The following SHOX variants were observed in gnomAD, a reference collection of about 807,000 sequenced individuals.
SHOX encodes the protein SHOX homeobox, also known as short stature homeobox protein.
Under a neutral mutation model 29.6 loss-of-function variants are expected in SHOX, and 12 were observed. That is an observed-to-expected ratio of 0.41 (90% CI 0.26 to 0.66). The LOEUF is 0.66. Among genes scored for constraint, SHOX ranks in the 30% least tolerant of loss-of-function variants. The pLI is 0.35. For missense variants in SHOX, 499 were observed against 437.7 expected (o/e 1.14, Z -1.25); for synonymous variants, 214 against 200.6 (o/e 1.07, Z -0.57).
chrX:634,539 C>A (rs1394955463), intron 1 of SHOX, 79 bp from the exon 2 acceptor site: 7 of 1,490,934 alleles, frequency 4.7e-6, no homozygotes, highest in Admixed American at 1.8e-5. Flanking sequence ...CCCTTTCCAC[C>A]GCGGGATGCA....
chrX:646,098 G>C lies in SHOX; in HGVS notation c.*1462G>C, dbSNP rs1048828918. ...TTTATAGTAGAGACGGGGTTTCACCGTGTTGGCCAGGCTCGTCTCGAACTC... is the reference window on the plus strand; with the variant it reads ...TTTATAGTAGAGACGGGGTTTCACCCTGTTGGCCAGGCTCGTCTCGAACTC... On this transcript the variant is annotated 3_prime_UTR_variant, in exon 5 of 5. Coordinates refer to ENST00000686671, the MANE Select transcript of SHOX (RefSeq NM_000451.4). 1.3e-5 allele frequency: 2 copies of C among 151,872 alleles called. No individual in the cohort carries two copies. Among genetic ancestry groups the C allele is most frequent in the African/African-American group, 2.4e-5 (1 of 41,316 alleles). The allele number at this position is 151,872 out of a possible 1,614,324, so 9.4% of individuals were successfully genotyped here.
intron 4 of SHOX, among the ~76,000 whole-genome samples, chrX:642,233 G>A (rs1273923830): frequency 6.6e-6 from 1 of 152,104 alleles, no homozygotes; most frequent in African/African-American, 2.4e-5. Context: ...GCGCCCGGCT[G>A]CGGTGCCCCT....
downstream of SHOX, among the ~76,000 whole-genome samples, chrX:653,268 C>A (rs1303201799): frequency 3.9e-5 from 6 of 152,014 alleles, no homozygotes; most frequent in Admixed American, 3.3e-4. Context: ...AATAAAATAA[C>A]AGGAACTAAA....
chrX:641,014 C>T lies in SHOX; in HGVS notation c.560C>T (p.Thr187Ile). Reference sequence around the variant, plus strand: ...TTGGACACAGGCGTCATCTTGGGCACAGCCAACCACCTAGACGCCTGCCGA... The same window carrying T: ...TTGGACACAGGCGTCATCTTGGGCATAGCCAACCACCTAGACGCCTGCCGA... ...NQMHKGVILG[T>I]ANHLDACRVA... The change falls in exon 4 of 5, where the codon ACA (threonine) becomes ATA (isoleucine). Residue 187 changes from threonine (T) to isoleucine (I), a missense_variant. Thr to Ile is a moderately conservative substitution (Grantham distance 89, BLOSUM62 -1). Coordinates refer to ENST00000686671, the MANE Select transcript of SHOX (RefSeq NM_000451.4). 1 of 1,613,864 alleles carries T rather than the reference C, an allele frequency of 6.2e-7. No homozygotes were observed. Among genetic ancestry groups the T allele is most frequent in the East Asian group, 2.2e-5 (1 of 44,866 alleles).
intron 1 of SHOX, among the ~76,000 whole-genome samples, chrX:625,215 C>A (rs973966153): frequency 1.4e-5 from 2 of 143,460 alleles, no homozygotes; most frequent in Non-Finnish European, 1.5e-5. Context: ...TCCTCCTCCT[C>A]CTCCTCCTTC....
rs756950632 is a variant in SHOX at position 648,289 on chromosome X, C to G, written c.*3653C>G. On this transcript the variant is annotated 3_prime_UTR_variant, in exon 5 of 5. Transcript: ENST00000686671. ...TCCTGAGTAGCTGGGATTACAGGCACCTGCCACCAGGCCTGGGTAACTTTC... is the reference window on the plus strand; with the variant it reads ...TCCTGAGTAGCTGGGATTACAGGCAGCTGCCACCAGGCCTGGGTAACTTTC... Among the ~76,000 whole-genome samples, 60 of 147,898 alleles carry G rather than the reference C, an allele frequency of 4.1e-4. 2 individuals are homozygous for G. In the South Asian group the frequency reaches 8.3e-3, roughly 20 times the overall value.
In SHOX at chrX:630,836, C is replaced by G; in HGVS notation, c.-62C>G. ...TCCACCCGCGCGCACGGGCCGTCCTCTCCGCGCGGGGAGACGCGCGCATCC... is the reference window on the plus strand; with the variant it reads ...TCCACCCGCGCGCACGGGCCGTCCTGTCCGCGCGGGGAGACGCGCGCATCC... On this transcript the variant is annotated 5_prime_UTR_variant, in exon 1 of 5. Transcript: ENST00000686671. 1 of 1,601,368 alleles carries G rather than the reference C, an allele frequency of 6.2e-7. No homozygotes were observed.
chrX:636,119 T>C (rs2052741944), intron 2 of SHOX, among the ~76,000 whole-genome samples: 1 of 151,074 alleles, frequency 6.6e-6, no homozygotes. Context: ...ACATCTTTCA[T>C]TATATGTGTG....
At chrX:656,433 G>A (rs2053147177), downstream of SHOX, among the ~76,000 whole-genome samples, 1 of 151,358 alleles carries the variant, frequency 6.6e-6, no homozygotes, top group African/African-American at 2.4e-5. Flanking sequence ...AATTTAGCCA[G>A]CTGTGCTGGC....
At chrX:627,650 G>A (rs772532446), upstream of SHOX, among the ~76,000 whole-genome samples, 167 of 149,368 alleles carry the variant, frequency 1.1e-3, 1 homozygote, top group Non-Finnish European at 2.0e-3. Context: ...TTTTCTCCGA[G>A]GCCGAGGGGC....
Position 630,825 on chromosome X carries a change from C to G in SHOX, c.-73C>G. On this transcript the variant is annotated 5_prime_UTR_variant, in exon 1 of 5. Transcript: ENST00000686671. ...AGCGCTGGTGATCCACCCGCGCGCA[C>G]GGGCCGTCCTCTCCGCGCGGGGAGA... 6.3e-7 allele frequency: 1 copy of G among 1,579,206 alleles called. No individual in the cohort carries two copies. Among genetic ancestry groups the G allele is most frequent in the East Asian group, 2.2e-5 (1 of 44,556 alleles).
downstream of SHOX, among the ~76,000 whole-genome samples, chrX:652,637 G>C (rs1248263904): frequency 6.6e-6 from 1 of 152,150 alleles, no homozygotes; most frequent in African/African-American, 2.4e-5. Flanking sequence ...CGTTCTTCCT[G>C]CTGACTCCTG....
chrX:629,336 T>G, upstream of SHOX, among the ~76,000 whole-genome samples: 1 of 150,408 alleles, frequency 6.6e-6, no homozygotes, highest in Non-Finnish European at 1.5e-5. Context: ...TGTCTCTCCT[T>G]GACTCTCTTT....
In SHOX at chrX:631,021, G is replaced by C. The variant is rs1443811290; in HGVS notation, c.124G>C (p.Gly42Arg). Residue 42 changes from glycine (G) to arginine (R), a missense_variant, in exon 1 of 5, where the codon GGA becomes CGA. By Grantham distance (125) the Gly-to-Arg change is moderately radical (BLOSUM62 -2). Coordinates refer to ENST00000686671, the MANE Select transcript of SHOX (RefSeq NM_000451.4). The stretch of plus-strand genomic sequence containing the variant: ...TACGTACCGGGAAGTTTTGGAGAGC[G>C]GACTGGCGCGCTCCCGGGAGCTGGG... Reference protein sequence around the residue: ...SITYREVLESGLARSRELGTS... With the variant: ...SITYREVLESRLARSRELGTS... 3 of 1,613,760 alleles carry C rather than the reference G, an allele frequency of 1.9e-6. No individual in the cohort carries two copies. The highest frequency in any genetic ancestry group is 2.5e-6 in the Non-Finnish European group (3 of 1,179,874).
intron 1 of SHOX, among the ~76,000 whole-genome samples, chrX:624,990 C>G (rs971044831): frequency 5.4e-5 from 8 of 147,456 alleles, no homozygotes; most frequent in African/African-American, 1.5e-4. Flanking sequence ...TTCCAGAAAG[C>G]TTTTTCCTTC....
rs778160013 is a variant in SHOX at position 658,827 on chromosome X, T to C, written c.676T>C (p.Ter226ArgextTer22). ...TCGCCCGGGCTGGAGTATAATGGCA[T>C]GATCTCGACTCACTGCAACCTCCGC... is the stretch of plus-strand genomic sequence containing the variant. The change falls in exon 6 of 6, where the codon TGA becomes CGA. Residue 226 changes from the stop codon to arginine (R), a stop_lost. Transcript: ENST00000334060. The C allele has an allele frequency of 2.3e-3, 927 of 402,710 alleles. 3 individuals carry two copies. Among genetic ancestry groups the C allele is most frequent in the South Asian group, 2.9e-3 (159 of 54,974 alleles). The allele number at this position is 402,710 out of a possible 1,614,324, so 24.9% of individuals were successfully genotyped here. A position where few individuals can be genotyped will look rare whatever the true frequency, so the allele number is the denominator to read the frequency against.
In SHOX at chrX:625,715, G is replaced by GTCTCTC. The variant is rs753102414; in HGVS notation, c.-433+1120_-433+1125dup. Among the ~76,000 whole-genome samples, 19 of 122,058 alleles carry GTCTCTC rather than the reference G, an allele frequency of 1.6e-4. 1 individual carries two copies. The highest frequency in any genetic ancestry group is 2.5e-4 in the East Asian group (1 of 4,064). 80.1% of individuals were successfully genotyped at this position (122,058 alleles called of 152,430 possible). A position where few individuals can be genotyped will look rare whatever the true frequency, so the allele number is the denominator to read the frequency against. On this transcript the variant is annotated intron_variant, in intron 1 of 5. Coordinates refer to the SHOX transcript ENST00000334060. ...TTCCTCTGTCTCTCTTTCTATCTCT[G>GTCTCTC]TCTCTCTCTCTCCTCTCTCTCTGTC... is the stretch of plus-strand genomic sequence containing the variant.
At chrX:626,403 CTCTG>C (rs2052535006), upstream of SHOX, among the ~76,000 whole-genome samples, 1 of 126,778 alleles carries the variant, frequency 7.9e-6, no homozygotes, top group South Asian at 2.7e-4. Flanking sequence ...GTATCTCTAT[CTCTG>C]TCTCTCTTTC....
chrX:652,342 T>A (rs1184317254), downstream of SHOX, among the ~76,000 whole-genome samples: 1 of 146,112 alleles, frequency 6.8e-6, no homozygotes, highest in Non-Finnish European at 1.5e-5. Context: ...AATGACAAAT[T>A]TTTTTTTTTT....
Sources: allele counts gnomAD v4.1 joint callset (sites outside exome capture counted in the v4.1 genomes callset), GRCh38; gene constraint gnomAD v4.1.1; transcripts MANE v1.5; gene names NCBI Gene and HGNC (gene_info 2026-07-23, HGNC 2026-07-21).